PLA2G4A: variants seen among roughly 807,000 people sequenced by gnomAD.
The protein encoded by PLA2G4A is phospholipase A2 group IVA.
Under a neutral mutation model 81.9 loss-of-function variants are expected in PLA2G4A, and 40 were observed. The observed-to-expected ratio is 0.49, with a 90% confidence interval of 0.38 to 0.64. The LOEUF is 0.64. Among genes scored for constraint, PLA2G4A ranks in the 30% least tolerant of loss-of-function variants. The pLI is 0.00. For synonymous variants in PLA2G4A, 302 were observed against 296.9 expected (o/e 1.02, Z -0.18); for missense variants, 715 against 905.1 (o/e 0.79, Z 2.69).
chr1:186,919,490 G>C (rs1424171285), intron 7 of PLA2G4A, among the ~76,000 whole-genome samples: 1 of 152,156 alleles, frequency 6.6e-6, no homozygotes. Context: ...CTGCCGTGGA[G>C]TGTCCCAGCA....
At chr1:186,857,921 A>G (rs1468313239) in intron 2 of PLA2G4A, among the ~76,000 whole-genome samples, 4 of 152,150 alleles carry the variant, frequency 2.6e-5, no homozygotes, top group Non-Finnish European at 5.9e-5. Flanking sequence ...GTCCCTGCAA[A>G]GGACATGAAC....
intron 2 of PLA2G4A, among the ~76,000 whole-genome samples, chr1:186,866,785 G>A (rs1462275834): frequency 6.6e-6 from 1 of 152,068 alleles, no homozygotes; most frequent in African/African-American, 2.4e-5. Context: ...GCATCATTAT[G>A]TATAATAATT....
At chr1:186,988,343 G>A (rs369753698) in intron 17 of PLA2G4A, 34 bp from the exon 18 acceptor site, 193 of 1,568,004 alleles carry the variant, frequency 1.2e-4, no homozygotes, top group Non-Finnish European at 1.6e-4. Context: ...GTTCATAGCA[G>A]CGCTAATTAT....
At chr1:186,877,369 T>G (rs1653541833) in intron 3 of PLA2G4A, among the ~76,000 whole-genome samples, 1 of 152,024 alleles carries the variant, frequency 6.6e-6, no homozygotes, top group Non-Finnish European at 1.5e-5. Flanking sequence ...TCGAACACAA[T>G]TATGAAAAGA....
chr1:186,856,293 GTA>G (rs57705488), intron 2 of PLA2G4A, among the ~76,000 whole-genome samples: 126,900 of 150,766 alleles, frequency 0.84, 53,548 homozygotes, highest in African/African-American at 0.9. Flanking sequence ...AATCTTGTGT[GTA>G]TATATATATA....
intron 2 of PLA2G4A, among the ~76,000 whole-genome samples, chr1:186,858,356 A>G (rs1291133227): frequency 2.6e-5 from 4 of 152,222 alleles, no homozygotes; most frequent in Admixed American, 1.3e-4. Context: ...TCTGATGACC[A>G]GTGATGATGA....
intron 3 of PLA2G4A, among the ~76,000 whole-genome samples, chr1:186,877,225 T>A (rs952370258): frequency 2.0e-5 from 3 of 152,022 alleles, no homozygotes; most frequent in African/African-American, 4.8e-5. Flanking sequence ...TTGGGCAGAT[T>A]ACTTCTCCTG....
chr1:186,917,236 C>T (rs1478809898), intron 7 of PLA2G4A, among the ~76,000 whole-genome samples: 1 of 151,980 alleles, frequency 6.6e-6, no homozygotes, highest in East Asian at 1.9e-4. Flanking sequence ...TGATGGGACA[C>T]CTCTCATTTA....
chr1:186,899,326 C>T (rs973734632), intron 5 of PLA2G4A, among the ~76,000 whole-genome samples: 1 of 151,832 alleles, frequency 6.6e-6, no homozygotes, highest in African/African-American at 2.4e-5. Flanking sequence ...GGGAGGGAGA[C>T]CGGGAGGAGA....
chr1:186,829,376 T>C (rs1037912745), intron 1 of PLA2G4A, among the ~76,000 whole-genome samples: 54 of 152,206 alleles, frequency 3.5e-4, no homozygotes, highest in African/African-American at 1.3e-3. Context: ...CACCCAATGG[T>C]TACTGATCCC....
At chr1:186,843,737 G>C (rs900331134) in intron 1 of PLA2G4A, among the ~76,000 whole-genome samples, 1 of 152,184 alleles carries the variant, frequency 6.6e-6, no homozygotes, top group African/African-American at 2.4e-5. Context: ...GAGGAGGATG[G>C]AGTATCTCCA....
intron 15 of PLA2G4A, 63 bp downstream of exon 15, chr1:186,965,656 C>G: frequency 8.6e-7 from 1 of 1,163,362 alleles, no homozygotes; most frequent in Non-Finnish European, 1.3e-6. Flanking sequence ...TTATAGATCT[C>G]TTAGTCCCTT....
chr1:186,896,390 T>C (rs1174778791), intron 5 of PLA2G4A, among the ~76,000 whole-genome samples: 1 of 152,192 alleles, frequency 6.6e-6, no homozygotes, highest in East Asian at 1.9e-4. Flanking sequence ...AGCTGGGGCA[T>C]AGCAAGATAA....
At chr1:186,883,178 C>G (rs766669890) in intron 3 of PLA2G4A, among the ~76,000 whole-genome samples, 1 of 151,860 alleles carries the variant, frequency 6.6e-6, no homozygotes, top group Admixed American at 6.6e-5. Flanking sequence ...TAGGGAGACA[C>G]TGACATTTAT....
At chr1:186,847,620 A>G (rs926220739) in intron 1 of PLA2G4A, among the ~76,000 whole-genome samples, 1 of 152,174 alleles carries the variant, frequency 6.6e-6, no homozygotes, top group Non-Finnish European at 1.5e-5. Context: ...ATGGACAAGG[A>G]CATTTATATA....
chr1:186,860,101 A>C (rs1327590078), intron 2 of PLA2G4A, among the ~76,000 whole-genome samples: 3 of 152,154 alleles, frequency 2.0e-5, no homozygotes, highest in African/African-American at 7.2e-5. Context: ...ATGAGGAAGA[A>C]GAAAGCTAGT....
intron 1 of PLA2G4A, among the ~76,000 whole-genome samples, chr1:186,847,326 C>T (rs968233288): frequency 6.6e-6 from 1 of 150,582 alleles, no homozygotes; most frequent in African/African-American, 2.4e-5. Flanking sequence ...ACCTCCATTC[C>T]ATCTCCTTTC....
intron 2 of PLA2G4A, among the ~76,000 whole-genome samples, chr1:186,859,618 T>C (rs1652722573): frequency 6.6e-6 from 1 of 152,246 alleles, no homozygotes; most frequent in South Asian, 2.1e-4. Context: ...GATTGCATAG[T>C]AAAATACAAG....
chr1:186,948,816 G>C (rs1222728553), intron 12 of PLA2G4A, among the ~76,000 whole-genome samples: 3 of 152,116 alleles, frequency 2.0e-5, no homozygotes, highest in Non-Finnish European at 4.4e-5. Context: ...GGAATATCGT[G>C]TATGTGTGAT....
Sources: gnomAD v4.1 joint callset for allele counts (sites outside exome capture counted in the v4.1 genomes callset) on GRCh38, gnomAD v4.1.1 for gene constraint, MANE v1.5 for transcripts, NCBI Gene and HGNC (gene_info 2026-07-23, HGNC 2026-07-21) for gene names.